The following HECW1 variants were observed in gnomAD, a reference collection of about 807,000 sequenced individuals.
The protein encoded by HECW1 is HECT, C2 and WW domain containing E3 ubiquitin protein ligase 1.
Under a neutral mutation model 182.3 loss-of-function variants are expected in HECW1, and 61 were observed. The ratio of observed to expected loss-of-function variants is 0.33; its 90% CI spans 0.27 to 0.41. HECW1 has a LOEUF of 0.41. Among genes scored for constraint, HECW1 ranks in the 10% least tolerant of loss-of-function variants. The pLI, the probability that HECW1 is intolerant of heterozygous loss-of-function variation, is 1.00. For missense variants in HECW1, 1,739 were observed against 2,108.9 expected (o/e 0.82, Z 3.44); for synonymous variants, 859 against 832.6 (o/e 1.03, Z -0.55).
intron 2 of HECW1, among the ~76,000 whole-genome samples, chr7:43,237,122 GA>G (rs1798428501): frequency 1.5e-5 from 2 of 132,702 alleles, no homozygotes; most frequent in African/African-American, 5.4e-5. Context: ...AAGAAAAAAA[GA>G]AGGAAGGAAG....
intron 2 of HECW1, among the ~76,000 whole-genome samples, chr7:43,182,446 G>C (rs1792959727): frequency 6.6e-6 from 1 of 152,178 alleles, no homozygotes; most frequent in Admixed American, 6.5e-5. Context: ...TCCCTTCACA[G>C]AAAAATCAGT....
At chr7:43,182,424 G>A (rs1311249254) in intron 2 of HECW1, among the ~76,000 whole-genome samples, 5 of 152,166 alleles carry the variant, frequency 3.3e-5, no homozygotes, top group Admixed American at 2.0e-4. Flanking sequence ...TTTCCCCAAT[G>A]TGTGTTTTTG....
At position 43,562,722 on chromosome 7, in the gene HECW1, C is replaced by T; in HGVS notation, c.*796C>T. 1 of 221,344 alleles carries T rather than the reference C, an allele frequency of 4.5e-6. No homozygotes were observed. The highest frequency in any genetic ancestry group is 9.1e-6 in the Non-Finnish European group (1 of 110,318). The allele number at this position is 221,344 out of a possible 1,614,324, so 13.7% of individuals were successfully genotyped here. A position where few individuals can be genotyped will look rare whatever the true frequency, so the allele number is the denominator to read the frequency against. On this transcript the variant is annotated 3_prime_UTR_variant, in exon 30 of 30. Coordinates refer to ENST00000395891, the MANE Select transcript of HECW1 (RefSeq NM_015052.5). ...AAGAAGGACAAACTTGTGCACATGTCCAAGAAAGAAAGCTTCTTGATTGAG... is the reference window on the plus strand; with the variant it reads ...AAGAAGGACAAACTTGTGCACATGTTCAAGAAAGAAAGCTTCTTGATTGAG...
intron 5 of HECW1, among the ~76,000 whole-genome samples, chr7:43,345,502 G>A (rs1485007314): frequency 2.0e-5 from 3 of 151,926 alleles, no homozygotes; most frequent in African/African-American, 4.8e-5. Context: ...GTTCTTTAGT[G>A]GTGATTTGTG....
chr7:43,492,144 A>G lies in HECW1; in HGVS notation c.3304A>G (p.Ile1102Val), dbSNP rs759401309. The G allele has an allele frequency of 1.2e-6, 2 of 1,602,400 alleles. No homozygotes were observed. The highest frequency in any genetic ancestry group is 1.1e-5 in the South Asian group (1 of 88,380). ...GCCAGGACACAGCTTAGTAGCTGCT[A>G]TTCGAAGCCAACATCAACATGAGTC... is the stretch of plus-strand genomic sequence containing the variant. ...ARPGHSLVAAIRSQHQHESLP... is the reference protein window; with the variant it reads ...ARPGHSLVAAVRSQHQHESLP... Residue 1102 changes from isoleucine (I) to valine (V), a missense_variant, in exon 18 of 30, where the codon ATT (isoleucine) becomes GTT (valine). By Grantham distance (29) the Ile-to-Val change is conservative. Coordinates refer to ENST00000395891, the MANE Select transcript of HECW1 (RefSeq NM_015052.5).
At chr7:43,385,646 G>A (rs1157923151) in intron 6 of HECW1, among the ~76,000 whole-genome samples, 5 of 152,034 alleles carry the variant, frequency 3.3e-5, no homozygotes, top group African/African-American at 7.2e-5. Flanking sequence ...ACAGTTCATG[G>A]TTTCCAGAAG....
chr7:43,263,584 C>T (rs1801423114), intron 3 of HECW1, among the ~76,000 whole-genome samples: 1 of 152,150 alleles, frequency 6.6e-6, no homozygotes, highest in African/African-American at 2.4e-5. Flanking sequence ...TGGTCTTGAA[C>T]TCCTGACCTT....
intron 6 of HECW1, among the ~76,000 whole-genome samples, chr7:43,381,161 A>T (rs2074535078): frequency 6.6e-6 from 1 of 152,146 alleles, no homozygotes. Context: ...AAGAGTTTGC[A>T]AAATCTTTTG....
intron 2 of HECW1, among the ~76,000 whole-genome samples, chr7:43,230,087 C>G (rs1797754894): frequency 6.6e-6 from 1 of 152,166 alleles, no homozygotes; most frequent in Admixed American, 6.5e-5. Flanking sequence ...AGTAACTAGC[C>G]TATACCCTTA....
chr7:43,373,785 G>A (rs10282127), intron 6 of HECW1, among the ~76,000 whole-genome samples: 60,430 of 151,818 alleles, frequency 0.4, 12,968 homozygotes, highest in African/African-American at 0.55. Context: ...CTAAACACCA[G>A]CTCCTCATTC....
intron 3 of HECW1, among the ~76,000 whole-genome samples, chr7:43,272,532 T>A (rs1252295925): frequency 6.6e-6 from 1 of 152,096 alleles, no homozygotes; most frequent in African/African-American, 2.4e-5. Context: ...CAGACACTTC[T>A]CAAAAGAAGA....
At chr7:43,229,543 G>A (rs1797705601) in intron 2 of HECW1, among the ~76,000 whole-genome samples, 1 of 152,016 alleles carries the variant, frequency 6.6e-6, no homozygotes, top group Non-Finnish European at 1.5e-5. Flanking sequence ...TAGTACCTGG[G>A]TGATGAAATA....
intron 6 of HECW1, among the ~76,000 whole-genome samples, chr7:43,370,357 C>A (rs996366801): frequency 5.9e-5 from 9 of 152,184 alleles, no homozygotes; most frequent in African/African-American, 1.9e-4. Flanking sequence ...ACAAAAAATT[C>A]TGTCAAGGAT....
At chr7:43,523,964 GC>G (rs1306503897) in intron 24 of HECW1, among the ~76,000 whole-genome samples, 1 of 151,800 alleles carries the variant, frequency 6.6e-6, no homozygotes, top group Non-Finnish European at 1.5e-5. Flanking sequence ...GATGCCTAAG[GC>G]AAAAAACTTC....
chr7:43,293,219 C>CAAAAAAAAAAAAAAAAAAAAA (rs34748611), intron 3 of HECW1, among the ~76,000 whole-genome samples: 3 of 76,570 alleles, frequency 3.9e-5, no homozygotes, highest in East Asian at 3.1e-4. Context: ...GACTATGTCT[C>CAAAAAAAAAAAAAAAAAAAAA]AAAAAAAAAA....
chr7:43,558,662 C>T (rs959725952), intron 29 of HECW1, among the ~76,000 whole-genome samples: 2 of 152,046 alleles, frequency 1.3e-5, no homozygotes, highest in African/African-American at 2.4e-5. Context: ...AAAAGTGAAT[C>T]GTGTCAAGCT....
chr7:43,431,271 A>G (rs141059367), intron 8 of HECW1, among the ~76,000 whole-genome samples: 3 of 152,230 alleles, frequency 2.0e-5, no homozygotes, highest in Admixed American at 6.5e-5. Context: ...ACAGTCTTCT[A>G]TCCTTCCATG....
In HECW1 at chr7:43,319,372, C is replaced by T. The variant is rs1385303286; in HGVS notation, c.353-1263C>T. Among the ~76,000 whole-genome samples, 4 of 124,120 alleles carry T rather than the reference C, an allele frequency of 3.2e-5. 1 individual carries two copies. The highest frequency in any genetic ancestry group is 6.6e-5 in the Non-Finnish European group (4 of 60,664). The allele number at this position is 124,120 out of a possible 152,430, so 81.4% of individuals were successfully genotyped here. A position where few individuals can be genotyped will look rare whatever the true frequency, so the allele number is the denominator to read the frequency against. Reference sequence around the variant, plus strand: ...ACTGGAGTCCGCAGTCCGGCCTGGGCGACAGAGCGAGACTCCGTCTCAAAA... The same window carrying T: ...ACTGGAGTCCGCAGTCCGGCCTGGGTGACAGAGCGAGACTCCGTCTCAAAA... On this transcript the variant is annotated intron_variant, in intron 4 of 29. Coordinates refer to ENST00000395891, the MANE Select transcript of HECW1 (RefSeq NM_015052.5).
chr7:43,499,335 G>A lies in HECW1; in HGVS notation c.3438-1364G>A, dbSNP rs113734135. On this transcript the variant is annotated intron_variant, in intron 19 of 29. Transcript: ENST00000395891. ...ATACAAAAACCTAGCTGAGTGTGGCGGTGCATGCCTATAATCCCAGCTACT... is the reference window on the plus strand; with the variant it reads ...ATACAAAAACCTAGCTGAGTGTGGCAGTGCATGCCTATAATCCCAGCTACT... Among the ~76,000 whole-genome samples, 1,418 of 151,974 alleles carry A rather than the reference G, an allele frequency of 9.3e-3. 17 individuals are homozygous for A. The highest frequency in any genetic ancestry group is 0.033 in the African/African-American group (1,353 of 41,440).
Sources: allele counts gnomAD v4.1 joint callset (sites outside exome capture counted in the v4.1 genomes callset), GRCh38; gene constraint gnomAD v4.1.1; transcripts MANE v1.5; gene names NCBI Gene and HGNC (gene_info 2026-07-23, HGNC 2026-07-21).